The following TSNARE1 variants were observed in gnomAD, a reference collection of about 807,000 sequenced individuals.
TSNARE1 encodes t-SNARE domain containing 1, also known as t-SNARE domain-containing protein 1.
Under a neutral mutation model 62.0 loss-of-function variants are expected in TSNARE1, and 49 were observed. That is an observed-to-expected ratio of 0.79 (90% CI 0.63 to 1.00). TSNARE1 has a LOEUF of 1.00. TSNARE1 is among the 50% of genes least tolerant of loss of function. The pLI, the probability that TSNARE1 is intolerant of heterozygous loss-of-function variation, is 0.00. For missense variants in TSNARE1, 755 were observed against 700.1 expected, an observed-to-expected ratio of 1.08 and a Z score of -0.88; for synonymous variants, 328 against 294.4, an observed-to-expected ratio of 1.11 and a Z score of -1.17.
rs147788683 is a variant in TSNARE1 at position 142,224,880 on chromosome 8, G to A, written c.*11+4593C>T. Among the ~76,000 whole-genome samples the A allele has an allele frequency of 3.3e-3, 500 of 152,256 alleles. 4 individuals carry two copies. The highest frequency in any genetic ancestry group is 0.011 in the African/African-American group (467 of 41,552). On this transcript the variant is annotated intron_variant, in intron 13 of 13. Coordinates refer to ENST00000524325, the MANE Select transcript of TSNARE1 (RefSeq NM_145003.5). Reference sequence around the variant, plus strand: ...AGGATGCTGATGAGGCTGAGCCCGCGGGGAGTGGGGCAGAGGGCGGGGCTG... The same window carrying A: ...AGGATGCTGATGAGGCTGAGCCCGCAGGGAGTGGGGCAGAGGGCGGGGCTG...
intron 10 of TSNARE1, among the ~76,000 whole-genome samples, chr8:142,297,593 C>G (rs1824982591): frequency 1.3e-5 from 2 of 152,192 alleles, no homozygotes; most frequent in Admixed American, 6.5e-5. Flanking sequence ...GAAAGGGCTA[C>G]AGCCAGCCGA....
At chr8:142,280,116 C>T (rs549576459) in intron 11 of TSNARE1, 23 of 1,133,714 alleles carry the variant, frequency 2.0e-5, no homozygotes, top group Non-Finnish European at 2.1e-5. Context: ...TGCCCCGCAG[C>T]GCCCCGAACA....
intron 12 of TSNARE1, among the ~76,000 whole-genome samples, chr8:142,267,611 A>G (rs1329804345): frequency 1.3e-5 from 2 of 152,004 alleles, no homozygotes; most frequent in Non-Finnish European, 2.9e-5. Context: ...AAAATGGGGG[A>G]CCTAGTGAGG....
At chr8:142,320,188 C>T (rs561143837) in intron 6 of TSNARE1, among the ~76,000 whole-genome samples, 1 of 152,186 alleles carries the variant, frequency 6.6e-6, no homozygotes, top group African/African-American at 2.4e-5. Flanking sequence ...CAGGCCTGAG[C>T]GATTCTGCTA....
intron 3 of TSNARE1, 130 bp downstream of exon 3, chr8:142,345,613 T>C: frequency 9.0e-7 from 1 of 1,114,570 alleles, no homozygotes; most frequent in South Asian, 1.7e-5. Flanking sequence ...GGGCAGGGGA[T>C]GCAGGTCCCT....
intron 1 of TSNARE1, among the ~76,000 whole-genome samples, chr8:142,362,080 T>C (rs916217527): frequency 1.3e-5 from 2 of 152,216 alleles, no homozygotes; most frequent in African/African-American, 4.8e-5. Flanking sequence ...GGAGCCCCCA[T>C]GGATGGCCAC....
intron 13 of TSNARE1, among the ~76,000 whole-genome samples, chr8:142,222,545 C>T (rs1450861566): frequency 1.5e-5 from 2 of 131,542 alleles, no homozygotes; most frequent in Admixed American, 1.5e-4. Context: ...CTCACTCATT[C>T]ACTCACTCAC....
At chr8:142,388,468 G>A (rs1587122441) in intron 1 of TSNARE1, among the ~76,000 whole-genome samples, 1 of 127,950 alleles carries the variant, frequency 7.8e-6, no homozygotes, top group Non-Finnish European at 1.6e-5. Flanking sequence ...CAGTTCACAT[G>A]AATGGATACC....
chr8:142,379,375 T>C (rs757159076), intron 1 of TSNARE1, among the ~76,000 whole-genome samples: 3 of 152,154 alleles, frequency 2.0e-5, no homozygotes, highest in Non-Finnish European at 2.9e-5. Flanking sequence ...TGCGCTCATG[T>C]CTGGGGCCAG....
intron 13 of TSNARE1, among the ~76,000 whole-genome samples, 173 bp downstream of exon 13, chr8:142,229,292 AGATGGATG>A (rs1043845353): frequency 4.0e-5 from 6 of 148,794 alleles, no homozygotes; most frequent in Non-Finnish European, 6.0e-5. Flanking sequence ...GCAGATGGAT[AGATGGATG>A]GATGGATGGT....
At chr8:142,228,923 G>T (rs1816960182) in intron 13 of TSNARE1, among the ~76,000 whole-genome samples, 1 of 152,110 alleles carries the variant, frequency 6.6e-6, no homozygotes, top group Non-Finnish European at 1.5e-5. Flanking sequence ...TGGTAGCTAG[G>T]TGGATGTGTG....
intron 6 of TSNARE1, among the ~76,000 whole-genome samples, chr8:142,323,576 C>T (rs1283832906): frequency 2.0e-5 from 3 of 152,200 alleles, no homozygotes; most frequent in Non-Finnish European, 4.4e-5. Flanking sequence ...GGGGCTCCTC[C>T]GGGAAATGGC....
At chr8:142,282,347 G>T (rs975410815) in intron 11 of TSNARE1, among the ~76,000 whole-genome samples, 2 of 152,258 alleles carry the variant, frequency 1.3e-5, no homozygotes, top group Non-Finnish European at 2.9e-5. Flanking sequence ...GGATGAAGGC[G>T]TGGAGGCTAG....
intron 4 of TSNARE1, among the ~76,000 whole-genome samples, chr8:142,333,177 C>T (rs764586561): frequency 2.6e-5 from 4 of 152,322 alleles, no homozygotes; most frequent in East Asian, 1.9e-4. Flanking sequence ...TCTGTCACAA[C>T]GCCCAGGATG....
At chr8:142,273,617 T>C (rs1364170535) in intron 12 of TSNARE1, 13 of 985,250 alleles carry the variant, frequency 1.3e-5, no homozygotes, top group Non-Finnish European at 1.6e-5. Context: ...CTTGGTGACC[T>C]GAACCTTCTG....
intron 10 of TSNARE1, among the ~76,000 whole-genome samples, chr8:142,296,687 G>A (rs576212610): frequency 1.7e-4 from 26 of 152,180 alleles, no homozygotes; most frequent in African/African-American, 6.3e-4. Flanking sequence ...AGGGCAGTGG[G>A]GAGGGCCTCC....
At chr8:142,218,291 G>C (rs1816037528) in intron 13 of TSNARE1, among the ~76,000 whole-genome samples, 1 of 152,052 alleles carries the variant, frequency 6.6e-6, no homozygotes, top group Non-Finnish European at 1.5e-5. Flanking sequence ...AGGGCTCAGG[G>C]TGTGGCCAGG....
chr8:142,278,300 C>G, intron 11 of TSNARE1: 1 of 985,478 alleles, frequency 1.0e-6, no homozygotes, highest in Non-Finnish European at 1.2e-6. Flanking sequence ...GCAGGAGCAG[C>G]TGAGGATGCC....
intron 1 of TSNARE1, among the ~76,000 whole-genome samples, chr8:142,381,552 T>A (rs1329818170): frequency 6.6e-6 from 1 of 152,034 alleles, no homozygotes; most frequent in African/African-American, 2.4e-5. Flanking sequence ...GTCTTGGAGC[T>A]CAGCGCCCTT....
Sources: gnomAD v4.1 joint callset for allele counts (sites outside exome capture counted in the v4.1 genomes callset) on GRCh38, gnomAD v4.1.1 for gene constraint, MANE v1.5 for transcripts, NCBI Gene and HGNC (gene_info 2026-07-23, HGNC 2026-07-21) for gene names.